Variants in BMERB1 observed in about 807,000 individuals in gnomAD.
BMERB1 encodes bMERB domain-containing protein 1.
A neutral mutation model predicts 23.6 loss-of-function variants in BMERB1; 12 were observed. The observed-to-expected ratio is 0.51, with a 90% CI of 0.33 to 0.82. The LOEUF is 0.82. BMERB1 is among the 40% of genes least tolerant of loss of function. The pLI, the probability that BMERB1 is intolerant of heterozygous loss-of-function variation, is 0.03. For missense variants in BMERB1, 247 were observed against 255.4 expected (o/e 0.97, Z 0.22); for synonymous variants, 122 against 96.6 (o/e 1.26, Z -1.54).
intron 2 of BMERB1, among the ~76,000 whole-genome samples, chr16:15,541,124 C>T (rs549768195): frequency 1.3e-5 from 2 of 152,134 alleles, no homozygotes; most frequent in East Asian, 3.9e-4. Context: ...TGATAGTTTG[C>T]TGGAATGACT....
intron 1 of BMERB1, among the ~76,000 whole-genome samples, chr16:15,490,522 A>G (rs1157457487): frequency 6.6e-6 from 1 of 151,614 alleles, no homozygotes; most frequent in Non-Finnish European, 1.5e-5. Context: ...GTCTCAAGCA[A>G]CCCTCCTGCC....
chr16:15,522,520 T>C (rs2051865767), intron 2 of BMERB1, among the ~76,000 whole-genome samples: 1 of 152,300 alleles, frequency 6.6e-6, no homozygotes, highest in Admixed American at 6.5e-5. Flanking sequence ...AGTTTTCTAG[T>C]GTTTTATTGT....
intron 1 of BMERB1, among the ~76,000 whole-genome samples, chr16:15,470,587 G>C (rs141496947): frequency 4.0e-4 from 61 of 150,854 alleles, no homozygotes; most frequent in African/African-American, 1.4e-3. Context: ...GTGCAGTGGC[G>C]CGATCTCAGC....
intron 1 of BMERB1, among the ~76,000 whole-genome samples, chr16:15,512,199 G>A (rs546437451): frequency 6.6e-6 from 1 of 152,180 alleles, no homozygotes; most frequent in South Asian, 2.1e-4. Flanking sequence ...ACATCACGGG[G>A]TAGGTAATGG....
chr16:15,486,604 A>G (rs1418837211), intron 1 of BMERB1, among the ~76,000 whole-genome samples: 1 of 152,200 alleles, frequency 6.6e-6, no homozygotes, highest in Non-Finnish European at 1.5e-5. Flanking sequence ...TGTGAGTTCC[A>G]TTGTATCAAC....
At chr16:15,525,309 C>T (rs935135182) in intron 2 of BMERB1, among the ~76,000 whole-genome samples, 2 of 152,196 alleles carry the variant, frequency 1.3e-5, no homozygotes, top group African/African-American at 4.8e-5. Flanking sequence ...AGCCTTTGGA[C>T]TGGAACTTAA....
At chr16:15,525,072 A>G (rs2051893416) in intron 2 of BMERB1, among the ~76,000 whole-genome samples, 2 of 152,182 alleles carry the variant, frequency 1.3e-5, no homozygotes, top group South Asian at 4.1e-4. Context: ...CTGCAAGAGC[A>G]TTGGTGGATG....
intron 1 of BMERB1, among the ~76,000 whole-genome samples, chr16:15,485,164 A>G (rs756613849): frequency 6.6e-6 from 1 of 152,198 alleles, no homozygotes; most frequent in Non-Finnish European, 1.5e-5. Context: ...TGAACTGATT[A>G]CCATGGTGGG....
rs746231946 is a variant in BMERB1, at chr16:15,549,883, C to G, written c.231-18100C>G. On this transcript the variant is annotated intron_variant, in intron 2 of 5. Coordinates refer to ENST00000300006, the MANE Select transcript of BMERB1 (RefSeq NM_033201.3). ...CTTTCCACAAAATTGGGAAAAATGT[C>G]TATTTCCCATTTCTTTATTTCATTT... Among the ~76,000 whole-genome samples the G allele has an allele frequency of 2.0e-5, 3 of 151,996 alleles. No individual in the cohort carries two copies. In the East Asian group the frequency reaches 5.8e-4, roughly 29 times the overall value.
At chr16:15,445,297 C>A (rs1387624910) in intron 1 of BMERB1, among the ~76,000 whole-genome samples, 1 of 152,128 alleles carries the variant, frequency 6.6e-6, no homozygotes, top group Non-Finnish European at 1.5e-5. Context: ...GGAAATCATT[C>A]AATACAGAGG....
At chr16:15,508,259 T>G (rs2051616621) in intron 1 of BMERB1, among the ~76,000 whole-genome samples, 1 of 152,158 alleles carries the variant, frequency 6.6e-6, no homozygotes, top group Admixed American at 6.5e-5. Context: ...AAACCTGGCT[T>G]TCCTAACTTT....
intron 1 of BMERB1, among the ~76,000 whole-genome samples, chr16:15,495,008 A>G (rs963165696): frequency 7.0e-6 from 1 of 142,168 alleles, no homozygotes; most frequent in African/African-American, 2.6e-5. Flanking sequence ...CTCAGCCTCC[A>G]GAGTAGCTGG....
At chr16:15,439,878 A>C (rs1463503751) in intron 1 of BMERB1, among the ~76,000 whole-genome samples, 1 of 152,112 alleles carries the variant, frequency 6.6e-6, no homozygotes, top group Non-Finnish European at 1.5e-5. Flanking sequence ...TATGTGTCTT[A>C]AAGGATGATC....
In BMERB1 at chr16:15,557,028, G is replaced by T. The variant is rs1009477953; in HGVS notation, c.231-10955G>T. On this transcript the variant is annotated intron_variant, in intron 2 of 5. Transcript: ENST00000300006. Reference sequence around the variant, plus strand: ...CTGCCTTTGTCGTGGTCTCTGCTGGGTTTCCATTAGGCTGCAACTCAAGCT... The same window carrying T: ...CTGCCTTTGTCGTGGTCTCTGCTGGTTTTCCATTAGGCTGCAACTCAAGCT... Among the ~76,000 whole-genome samples the T allele has an allele frequency of 2.6e-5, 4 of 152,218 alleles. No individual in the cohort carries two copies. In the South Asian group the frequency reaches 8.3e-4, roughly 32 times the overall value.
intron 2 of BMERB1, among the ~76,000 whole-genome samples, chr16:15,520,789 T>C (rs926150837): frequency 1.3e-5 from 2 of 152,132 alleles, no homozygotes; most frequent in South Asian, 4.1e-4. Flanking sequence ...ACCCGGCCCA[T>C]AGATACTCTT....
chr16:15,501,783 A>G (rs930864464), intron 1 of BMERB1, among the ~76,000 whole-genome samples: 2 of 151,748 alleles, frequency 1.3e-5, no homozygotes, highest in Admixed American at 6.6e-5. Context: ...TGCCACGGCT[A>G]ATTTTTATAT....
intron 1 of BMERB1, among the ~76,000 whole-genome samples, chr16:15,436,989 T>TA (rs1479599454): frequency 3.3e-5 from 5 of 151,894 alleles, no homozygotes; most frequent in East Asian, 3.8e-4. Context: ...TGCATAGATT[T>TA]AAAAAAACAA....
At chr16:15,537,075 C>T (rs920496499) in intron 2 of BMERB1, 3 of 152,068 alleles carry the variant, frequency 2.0e-5, no homozygotes, top group African/African-American at 4.8e-5. Context: ...CAGATAATTC[C>T]GATGCCATCT....
chr16:15,561,634 TGTA>T (rs1386421776), intron 2 of BMERB1, among the ~76,000 whole-genome samples: 1 of 152,136 alleles, frequency 6.6e-6, no homozygotes, highest in African/African-American at 2.4e-5. Context: ...GGCTCATGCC[TGTA>T]ATCCCAGTGC....
Sources: allele counts gnomAD v4.1 joint callset (sites outside exome capture counted in the v4.1 genomes callset), GRCh38; gene constraint gnomAD v4.1.1; transcripts MANE v1.5; gene names NCBI Gene and HGNC (gene_info 2026-07-23, HGNC 2026-07-21).